The following TTC17 variants were observed in gnomAD, a reference collection of about 807,000 sequenced individuals.
TTC17 encodes tetratricopeptide repeat domain 17.
A neutral mutation model predicts 143.8 loss-of-function variants in TTC17; 58 were observed. That is an observed-to-expected ratio of 0.40 (90% confidence interval 0.33 to 0.50). TTC17 has a LOEUF of 0.50. Ranked by LOEUF, TTC17 falls within the 20% of genes least tolerant of loss-of-function variation. The pLI is 0.49. For synonymous variants in TTC17, 501 were observed against 497.8 expected (o/e 1.01, Z -0.09); for missense variants, 1,273 against 1,392.5 (o/e 0.91, Z 1.37).
At chr11:43,489,917 C>A (rs1590515581) in intron 21 of TTC17, 1 of 166,350 alleles carries the variant, frequency 6.0e-6, no homozygotes, top group Non-Finnish European at 1.3e-5. Context: ...ACTGTGTTAC[C>A]TATTCAGAAA....
chr11:43,485,759 C>T (rs986515417), intron 21 of TTC17, among the ~76,000 whole-genome samples: 5 of 152,028 alleles, frequency 3.3e-5, no homozygotes, highest in African/African-American at 1.2e-4. Context: ...TGCCATTTTC[C>T]CCTCACCAAC....
At chr11:43,432,796 C>T (rs1207173544) in intron 16 of TTC17, among the ~76,000 whole-genome samples, 1 of 152,066 alleles carries the variant, frequency 6.6e-6, no homozygotes, top group Non-Finnish European at 1.5e-5. Flanking sequence ...TTTTTTAGTT[C>T]CCCTTTGAGC....
chr11:43,454,983 A>G (rs1177225901), intron 21 of TTC17, among the ~76,000 whole-genome samples: 2 of 151,820 alleles, frequency 1.3e-5, no homozygotes, highest in African/African-American at 4.8e-5. Flanking sequence ...TCTTTTTGTC[A>G]TTTGAACATA....
chr11:43,474,835 A>G (rs1045304730), intron 21 of TTC17, among the ~76,000 whole-genome samples: 1 of 148,060 alleles, frequency 6.8e-6, no homozygotes, highest in East Asian at 1.9e-4. Flanking sequence ...TATAATCTAT[A>G]GAAAAGAAAA....
chr11:43,490,189 ATGAG>A, intron 21 of TTC17, 46 bp from the exon 22 acceptor site: 2 of 1,569,096 alleles, frequency 1.3e-6, no homozygotes, highest in Non-Finnish European at 1.7e-6. Flanking sequence ...TTGGTAATAA[ATGAG>A]TATGTTCTTG....
chr11:43,426,873 G>A (rs1947040688), intron 16 of TTC17, among the ~76,000 whole-genome samples: 2 of 152,134 alleles, frequency 1.3e-5, no homozygotes, highest in Non-Finnish European at 2.9e-5. Context: ...AGCCTGATAA[G>A]CCCAAAAAGT....
rs543184921 is a variant in TTC17, at chr11:43,362,477, C to G, written c.159+3364C>G. 2.0e-5 allele frequency among the ~76,000 whole-genome samples: 3 copies of G among 152,220 alleles called. No individual in the cohort carries two copies. In the South Asian group the frequency reaches 6.2e-4, roughly 32 times the overall value. ...GCGTATGTATTGGAAATGGTACATC[C>G]TTTGGTGGGTTGAAAAGGGGGTTAA... On this transcript the variant is annotated intron_variant, in intron 1 of 23. Transcript: ENST00000039989.
At chr11:43,484,231 A>G (rs1260340339) in intron 21 of TTC17, among the ~76,000 whole-genome samples, 2 of 152,140 alleles carry the variant, frequency 1.3e-5, no homozygotes, top group Admixed American at 1.3e-4. Flanking sequence ...TGTATAGTAA[A>G]CCCCAAAGAC....
intron 20 of TTC17, 89 bp from the exon 21 acceptor site, chr11:43,451,091 CTG>C (rs968460505): frequency 7.9e-7 from 1 of 1,262,528 alleles, no homozygotes; most frequent in Admixed American, 1.8e-5. Context: ...CAGTTTGCCT[CTG>C]TGGTACAGTG....
At chr11:43,412,865 CTG>C (rs1858479062) in intron 15 of TTC17, among the ~76,000 whole-genome samples, 1 of 152,110 alleles carries the variant, frequency 6.6e-6, no homozygotes, top group Non-Finnish European at 1.5e-5. Flanking sequence ...TGTAAGATCT[CTG>C]TAAATCAATT....
intron 21 of TTC17, among the ~76,000 whole-genome samples, chr11:43,469,678 G>A (rs1330387602): frequency 1.3e-5 from 2 of 152,152 alleles, no homozygotes; most frequent in African/African-American, 4.8e-5. Context: ...TCAGATCAGT[G>A]ATTACTTCGT....
intron 5 of TTC17, among the ~76,000 whole-genome samples, chr11:43,394,505 A>G (rs1232723480): frequency 6.6e-6 from 1 of 152,168 alleles, no homozygotes; most frequent in Non-Finnish European, 1.5e-5. Flanking sequence ...GACTTGAACT[A>G]TTCAGGAGAT....
At chr11:43,367,602 C>T (rs145051729) in intron 1 of TTC17, among the ~76,000 whole-genome samples, 11 of 152,210 alleles carry the variant, frequency 7.2e-5, no homozygotes, top group Non-Finnish European at 1.0e-4. Context: ...GAGCTGCTCA[C>T]GTCAAAAATT....
intron 21 of TTC17, among the ~76,000 whole-genome samples, chr11:43,469,502 C>T (rs1276486153): frequency 6.6e-6 from 1 of 152,146 alleles, no homozygotes; most frequent in Non-Finnish European, 1.5e-5. Context: ...AAACAGTGGT[C>T]TATTGAGATG....
intron 12 of TTC17, 26 bp downstream of exon 12, chr11:43,405,655 C>T (rs776339304): frequency 2.5e-6 from 4 of 1,612,222 alleles, no homozygotes; most frequent in Non-Finnish European, 3.4e-6. Context: ...TTTGGCAAAG[C>T]ACCTGATTCT....
intron 7 of TTC17, 123 bp downstream of exon 7, chr11:43,397,614 G>C (rs1857656283): frequency 2.7e-6 from 3 of 1,123,336 alleles, no homozygotes; most frequent in African/African-American, 1.6e-5. Context: ...CGATGGAAAT[G>C]AAATTAGGAG....
intron 21 of TTC17, chr11:43,466,843 A>G (rs1947982905): frequency 7.2e-6 from 2 of 277,120 alleles, no homozygotes; most frequent in South Asian, 4.1e-5. Flanking sequence ...AAGACAAGCA[A>G]GATCGCCATT....
At chr11:43,453,470 TAAAG>T (rs1947704270) in intron 21 of TTC17, among the ~76,000 whole-genome samples, 2 of 152,132 alleles carry the variant, frequency 1.3e-5, no homozygotes, top group South Asian at 4.2e-4. Context: ...TTAGAATACT[TAAAG>T]AATAAAAAAA....
chr11:43,421,529 G>T (rs982827678), intron 16 of TTC17, among the ~76,000 whole-genome samples: 2 of 152,146 alleles, frequency 1.3e-5, no homozygotes, highest in Non-Finnish European at 2.9e-5. Context: ...CCCATCACTC[G>T]CATTACTGCC....
Sources: gnomAD v4.1 joint callset for allele counts (sites outside exome capture counted in the v4.1 genomes callset) on GRCh38, gnomAD v4.1.1 for gene constraint, MANE v1.5 for transcripts, NCBI Gene and HGNC (gene_info 2026-07-23, HGNC 2026-07-21) for gene names.